PHF20: variants seen among roughly 807,000 people sequenced by gnomAD.
PHF20 encodes the protein glioma-expressed antigen 2.
A neutral mutation model predicts 113.5 loss-of-function variants in PHF20; 23 were observed. That is an observed-to-expected ratio of 0.20 (90% confidence interval 0.15 to 0.29). The LOEUF (loss-of-function observed/expected upper bound fraction) is 0.29. PHF20 is among the 10% of genes least tolerant of loss of function. The pLI, the probability that PHF20 is intolerant of heterozygous loss-of-function variation, is 1.00. For synonymous variants in PHF20, 434 were observed against 457.3 expected (o/e 0.95, Z 0.65); for missense variants, 943 against 1,219.6 (o/e 0.77, Z 3.38).
chr20:35,859,464 C>G (rs561284979), intron 5 of PHF20, among the ~76,000 whole-genome samples: 1 of 151,956 alleles, frequency 6.6e-6, no homozygotes, highest in South Asian at 2.1e-4. Context: ...ACTGAGGCAT[C>G]ATAACTTGCT....
chr20:35,775,633 A>C (rs1294974329), intron 1 of PHF20, among the ~76,000 whole-genome samples: 1 of 151,784 alleles, frequency 6.6e-6, no homozygotes, highest in African/African-American at 2.4e-5. Context: ...AGGCACCTGT[A>C]ATCCCAGCTA....
chr20:35,884,712 T>TA (rs921382628), intron 9 of PHF20, among the ~76,000 whole-genome samples: 5 of 152,350 alleles, frequency 3.3e-5, no homozygotes, highest in Admixed American at 2.6e-4. Context: ...TTCAGATTTA[T>TA]AAAAAAGTTG....
At chr20:35,911,649 G>A (rs1296985250) in intron 10 of PHF20, among the ~76,000 whole-genome samples, 4 of 151,998 alleles carry the variant, frequency 2.6e-5, no homozygotes, top group South Asian at 2.1e-4. Flanking sequence ...AAGAAGAAAC[G>A]ACTGGATTTT....
At chr20:35,880,109 A>G (rs2054600823) in intron 9 of PHF20, among the ~76,000 whole-genome samples, 1 of 152,210 alleles carries the variant, frequency 6.6e-6, no homozygotes, top group Admixed American at 6.5e-5. Flanking sequence ...TGCAAAGATG[A>G]GTGGGCACTC....
At chr20:35,933,596 A>G (rs2055806599) in intron 15 of PHF20, among the ~76,000 whole-genome samples, 2 of 151,840 alleles carry the variant, frequency 1.3e-5, no homozygotes, top group South Asian at 4.2e-4. Context: ...ACAGTGTTTC[A>G]CCGTGTTAGC....
At chr20:35,917,299 C>A (rs1600931717) in intron 12 of PHF20, 185 bp from the exon 13 acceptor site, 1 of 699,206 alleles carries the variant, frequency 1.4e-6, no homozygotes, top group East Asian at 2.8e-5. Context: ...TGCCAGGCAG[C>A]ATGCTTCGTT....
chr20:35,825,433 C>T (rs1568615923), intron 2 of PHF20, among the ~76,000 whole-genome samples: 1 of 152,100 alleles, frequency 6.6e-6, no homozygotes, highest in Non-Finnish European at 1.5e-5. Flanking sequence ...GGAGTTTGCA[C>T]TCCCTCCTCA....
At chr20:35,929,652 TTCTC>T (rs987703462) in intron 14 of PHF20, among the ~76,000 whole-genome samples, 4 of 152,256 alleles carry the variant, frequency 2.6e-5, no homozygotes, top group African/African-American at 9.6e-5. Flanking sequence ...TACTGTGTCT[TTCTC>T]TCTACTTTTC....
chr20:35,938,986 C>A lies in PHF20; in HGVS notation c.2590C>A (p.Leu864Ile). Residue 864 changes from leucine (L) to isoleucine (I), a missense_variant, in exon 16 of 18, where the codon CTC (leucine) becomes ATC (isoleucine). Coordinates refer to ENST00000374012, the MANE Select transcript of PHF20 (RefSeq NM_016436.5). Reference sequence around the variant, plus strand: ...GGTGGTGGAGACGAGGGGCTCTGCCCTCGACGATGCGGTCAACCCCCTCCA... The same window carrying A: ...GGTGGTGGAGACGAGGGGCTCTGCCATCGACGATGCGGTCAACCCCCTCCA... ...KLVVETRGSALDDAVNPLHEN... is the reference protein window; with the variant it reads ...KLVVETRGSAIDDAVNPLHEN... 1.2e-6 allele frequency: 2 copies of A among 1,614,176 alleles called. No individual in the cohort carries two copies. The highest frequency in any genetic ancestry group is 1.7e-6 in the Non-Finnish European group (2 of 1,180,032).
At chr20:35,905,437 C>T (rs2055185640) in intron 10 of PHF20, among the ~76,000 whole-genome samples, 1 of 152,120 alleles carries the variant, frequency 6.6e-6, no homozygotes, top group African/African-American at 2.4e-5. Context: ...TAAATGATGT[C>T]ATGAGGTTGG....
chr20:35,778,772 T>A (rs2146825322), intron 1 of PHF20, among the ~76,000 whole-genome samples: 1 of 147,338 alleles, frequency 6.8e-6, no homozygotes, highest in African/African-American at 2.5e-5. Context: ...AAAAAAAAAA[T>A]TGAACCCTTA....
intron 1 of PHF20, among the ~76,000 whole-genome samples, chr20:35,792,310 C>T (rs1029705302): frequency 6.6e-6 from 1 of 152,216 alleles, no homozygotes; most frequent in East Asian, 1.9e-4. Context: ...GCCTCAGCCT[C>T]TTGAGTAACT....
intron 2 of PHF20, among the ~76,000 whole-genome samples, chr20:35,803,972 A>G (rs967278178): frequency 6.6e-6 from 1 of 151,882 alleles, no homozygotes. Flanking sequence ...CTCCTGCCTT[A>G]GCCCTCCATG....
intron 2 of PHF20, among the ~76,000 whole-genome samples, chr20:35,830,067 C>G (rs2042332547): frequency 1.3e-5 from 2 of 152,130 alleles, no homozygotes; most frequent in South Asian, 4.1e-4. Context: ...GCGCATGCCG[C>G]CATGCCTGGC....
At chr20:35,929,493 A>G (rs1190800099) in intron 14 of PHF20, among the ~76,000 whole-genome samples, 1 of 152,272 alleles carries the variant, frequency 6.6e-6, no homozygotes, top group African/African-American at 2.4e-5. Flanking sequence ...GGCGATGAGA[A>G]CCAGTTGTCT....
At chr20:35,898,497 A>G (rs2055033309) in intron 9 of PHF20, among the ~76,000 whole-genome samples, 1 of 152,144 alleles carries the variant, frequency 6.6e-6, no homozygotes. Context: ...GCACAGTGGC[A>G]TGATCTCAGC....
intron 10 of PHF20, among the ~76,000 whole-genome samples, chr20:35,903,442 GACCACTC>G (rs1330330300): frequency 1.3e-5 from 2 of 151,976 alleles, no homozygotes; most frequent in East Asian, 3.8e-4. Flanking sequence ...GTGCCACACA[GACCACTC>G]ACCCACTGTT....
At chr20:35,890,843 C>T (rs2054835699) in intron 9 of PHF20, among the ~76,000 whole-genome samples, 1 of 152,186 alleles carries the variant, frequency 6.6e-6, no homozygotes, top group Non-Finnish European at 1.5e-5. Context: ...GATCGTTCCA[C>T]TGCATTTCAG....
In PHF20 at chr20:35,896,799, C is replaced by CAAA. The variant is rs34377497; in HGVS notation, c.1283-2553_1283-2551dup. Among the ~76,000 whole-genome samples the CAAA allele has an allele frequency of 1.4e-3, 90 of 62,476 alleles. 1 individual carries two copies. Among genetic ancestry groups the CAAA allele is most frequent in the South Asian group, 2.6e-3 (5 of 1,904 alleles). 41.0% of individuals were successfully genotyped at this position (62,476 alleles called of 152,430 possible). On this transcript the variant is annotated intron_variant, in intron 9 of 17. Coordinates refer to ENST00000374012, the MANE Select transcript of PHF20 (RefSeq NM_016436.5). The stretch of plus-strand genomic sequence containing the variant: ...CTGGACAAAGAGCAAGACTCCGTCT[C>CAAA]AAAAAAAAAAAAAAAAAAAAGTCCT...
Sources: allele counts gnomAD v4.1 joint callset (sites outside exome capture counted in the v4.1 genomes callset), GRCh38; gene constraint gnomAD v4.1.1; transcripts MANE v1.5; gene names NCBI Gene and HGNC (gene_info 2026-07-23, HGNC 2026-07-21).